SH3D19: variants seen among roughly 807,000 people sequenced by gnomAD.
The protein encoded by SH3D19 is SH3 domain containing 19.
In SH3D19, 58 loss-of-function variants were observed where a neutral mutation model predicts 112.1. That is an observed-to-expected ratio of 0.52 (90% CI 0.42 to 0.64). The LOEUF is 0.64. SH3D19 is among the 30% of genes least tolerant of loss of function. The pLI is 0.00. For missense variants in SH3D19, 1,090 were observed against 1,263.4 expected, an observed-to-expected ratio of 0.86 and a Z score of 2.08; for synonymous variants, 391 against 448.5, an observed-to-expected ratio of 0.87 and a Z score of 1.62.
Position 151,291,088 on chromosome 4 carries a change from T to C in SH3D19, c.112+34153A>G, listed in dbSNP as rs749249285. The C allele has an allele frequency of 7.2e-6, 11 of 1,529,444 alleles. No homozygotes were observed. The Admixed American group carries it at 1.9e-4, about 27-fold the overall frequency. The allele number at this position is 1,529,444 out of a possible 1,614,324, so 94.7% of individuals were successfully genotyped here. A position where few individuals can be genotyped will look rare whatever the true frequency, so the allele number is the denominator to read the frequency against. Reference sequence around the variant, plus strand: ...CTCTCTTCTTTATGCCTCTTTTCACTATGCTCATTACCTTTCATTTCTTCC... The same window carrying C: ...CTCTCTTCTTTATGCCTCTTTTCACCATGCTCATTACCTTTCATTTCTTCC... On this transcript the variant is annotated intron_variant, in intron 1 of 19. Coordinates refer to ENST00000604030, the MANE Select transcript of SH3D19 (RefSeq NM_001378122.1).
In SH3D19 at chr4:151,194,317, G is replaced by A. The variant is rs866354966; in HGVS notation, c.153-6854C>T. ...GCTGGGATTACAGGCATGAGCCACC[G>A]CCCCCAGCCAGTAGGATTAATTTTT... On this transcript the variant is annotated intron_variant, in intron 2 of 19. Transcript: ENST00000604030. 1.1e-4 allele frequency among the ~76,000 whole-genome samples: 17 copies of A among 151,536 alleles called. 1 individual carries two copies. Among genetic ancestry groups the A allele is most frequent in the South Asian group, 4.2e-4 (2 of 4,802 alleles).
intron 2 of SH3D19, among the ~76,000 whole-genome samples, chr4:151,214,467 C>CG (rs1766605647): frequency 1.0e-5 from 1 of 96,806 alleles, no homozygotes; most frequent in South Asian, 3.5e-4. Context: ...GGGGCTGACC[C>CG]CCCACCTCCC....
intron 1 of SH3D19, among the ~76,000 whole-genome samples, chr4:151,254,476 C>A (rs1220883192): frequency 1.4e-5 from 2 of 148,016 alleles, no homozygotes; most frequent in Non-Finnish European, 3.0e-5. Context: ...TGGCCTTCCG[C>A]AGTGTTTGTG....
At chr4:151,244,665 A>C (rs1770802558) in intron 1 of SH3D19, among the ~76,000 whole-genome samples, 1 of 152,252 alleles carries the variant, frequency 6.6e-6, no homozygotes, top group Non-Finnish European at 1.5e-5. Context: ...CTAAGGTGCC[A>C]GTGTACCTCA....
chr4:151,137,761 T>C lies in SH3D19; in HGVS notation c.2398A>G (p.Ile800Val), dbSNP rs201652521. Reference protein sequence around the residue: ...YRGNCRNQIGIFPANYVKVII... With the variant: ...YRGNCRNQIGVFPANYVKVII... ...ACTTTGACATAGTTGGCAGGAAATATGCCAATCTGGTTTCTACAGTTCCCT... is the reference window on the plus strand; with the variant it reads ...ACTTTGACATAGTTGGCAGGAAATACGCCAATCTGGTTTCTACAGTTCCCT... The change falls in exon 14 of 20, where the codon ATA becomes GTA. Residue 800 changes from isoleucine (I) to valine (V), a missense_variant. Coordinates refer to ENST00000604030, the MANE Select transcript of SH3D19 (RefSeq NM_001378122.1). 7.3e-5 allele frequency: 117 copies of C among 1,603,334 alleles called. No homozygotes were observed. The highest frequency in any genetic ancestry group is 8.0e-5 in the Non-Finnish European group (94 of 1,176,604).
intron 14 of SH3D19, 100 bp from the exon 15 acceptor site, chr4:151,135,232 C>A (rs1014919934): frequency 3.3e-6 from 3 of 902,240 alleles, no homozygotes; most frequent in Admixed American, 5.2e-5. Flanking sequence ...TGAAATCGAT[C>A]GGTTTAGCTA....
chr4:151,138,686 TCACACACACACA>T (rs1177218801), intron 13 of SH3D19, among the ~76,000 whole-genome samples: 187 of 54,158 alleles, frequency 3.5e-3, no homozygotes, highest in African/African-American at 9.1e-3. Context: ...AGATCTTGTC[TCACACACACACA>T]CACACACACA....
At chr4:151,268,183 C>T (rs1160965566) in intron 1 of SH3D19, among the ~76,000 whole-genome samples, 1 of 152,168 alleles carries the variant, frequency 6.6e-6, no homozygotes, top group Non-Finnish European at 1.5e-5. Context: ...AGTTACTGTA[C>T]TGAACACTGT....
At chr4:151,202,542 C>T (rs1764540300) in intron 2 of SH3D19, among the ~76,000 whole-genome samples, 2 of 152,164 alleles carry the variant, frequency 1.3e-5, no homozygotes, top group South Asian at 4.1e-4. Context: ...TACCTCTAAC[C>T]AATATCTATG....
At chr4:151,297,168 T>C (rs1166729936) in intron 1 of SH3D19, among the ~76,000 whole-genome samples, 3 of 152,228 alleles carry the variant, frequency 2.0e-5, no homozygotes, top group African/African-American at 2.4e-5. Flanking sequence ...CTATTAATAA[T>C]TGAGAAGAAA....
rs374714087 is a variant in SH3D19 at position 151,307,163 on chromosome 4, C to T, written c.112+18078G>A. Among the ~76,000 whole-genome samples, 80 of 151,132 alleles carry T rather than the reference C, an allele frequency of 5.3e-4. No individual in the cohort carries two copies. The East Asian group carries it at 0.011, about 21-fold the overall frequency. The stretch of plus-strand genomic sequence containing the variant: ...CCTCCCAAGTAGCTGGGACTACAGG[C>T]GCCCGCCACTACGCCCGGCTAATTT... On this transcript the variant is annotated intron_variant, in intron 1 of 19. Transcript: ENST00000604030.
intron 1 of SH3D19, among the ~76,000 whole-genome samples, chr4:151,298,211 G>A (rs552720872): frequency 1.7e-5 from 2 of 120,298 alleles, no homozygotes; most frequent in Admixed American, 9.9e-5. Flanking sequence ...TTTTTGAGAC[G>A]GAGTCTCGCT....
intron 1 of SH3D19, among the ~76,000 whole-genome samples, chr4:151,312,622 G>C (rs1302487167): frequency 6.6e-6 from 1 of 152,142 alleles, no homozygotes; most frequent in African/African-American, 2.4e-5. Context: ...GAGTCGGCCA[G>C]GCATGGTGGC....
chr4:151,165,057 G>C (rs990296573), intron 8 of SH3D19, among the ~76,000 whole-genome samples: 1 of 152,150 alleles, frequency 6.6e-6, no homozygotes, highest in Admixed American at 6.5e-5. Flanking sequence ...TGTACCAGAG[G>C]TGTTAACATG....
chr4:151,211,762 C>T (rs1488693731), intron 2 of SH3D19, among the ~76,000 whole-genome samples: 1 of 152,162 alleles, frequency 6.6e-6, no homozygotes, highest in Non-Finnish European at 1.5e-5. Context: ...TCCTAACTCT[C>T]TTCAATTCTA....
At chr4:151,139,278 C>A (rs948246815) in intron 13 of SH3D19, among the ~76,000 whole-genome samples, 1 of 151,940 alleles carries the variant, frequency 6.6e-6, no homozygotes, top group African/African-American at 2.4e-5. Flanking sequence ...CTCAGCCTCC[C>A]GAATAGCTGG....
chr4:151,159,181 A>G, intron 9 of SH3D19, 59 bp downstream of exon 9: 2 of 948,664 alleles, frequency 2.1e-6, no homozygotes, highest in Non-Finnish European at 3.1e-6. Flanking sequence ...TTAGCTGACT[A>G]TTCAAAATTA....
intron 1 of SH3D19, among the ~76,000 whole-genome samples, chr4:151,298,844 G>A (rs1287556253): frequency 6.6e-6 from 1 of 152,054 alleles, no homozygotes; most frequent in Non-Finnish European, 1.5e-5. Flanking sequence ...GCCTCCCTAC[G>A]GAGGAAGAAA....
chr4:151,249,894 T>C (rs574715863), intron 1 of SH3D19, among the ~76,000 whole-genome samples: 1 of 152,346 alleles, frequency 6.6e-6, no homozygotes, highest in East Asian at 1.9e-4. Flanking sequence ...ATTCCTATTT[T>C]CTAATTCCTG....
Sources: gnomAD v4.1 joint callset for allele counts (sites outside exome capture counted in the v4.1 genomes callset) on GRCh38, gnomAD v4.1.1 for gene constraint, MANE v1.5 for transcripts, NCBI Gene and HGNC (gene_info 2026-07-23, HGNC 2026-07-21) for gene names.